STIMATE: variants seen among roughly 807,000 people sequenced by gnomAD.
STIMATE encodes STIM activating enhancer.
STIMATE carries 15 observed loss-of-function variants against 36.7 expected under a neutral mutation model. The ratio of observed to expected loss-of-function variants is 0.41; its 90% CI spans 0.27 to 0.63. The LOEUF (loss-of-function observed/expected upper bound fraction) is 0.63, where lower values mean the gene tolerates loss of function less well. STIMATE is among the 20% of genes least tolerant of loss of function. The pLI, the probability that STIMATE is intolerant of heterozygous loss-of-function variation, is 0.32. For synonymous variants in STIMATE, 163 were observed against 162.3 expected, an observed-to-expected ratio of 1.00 and a Z score of -0.03; for missense variants, 305 against 397.3, an observed-to-expected ratio of 0.77 and a Z score of 1.98.
In STIMATE at chr3:52,843,736, G is replaced by A; in HGVS notation, c.603C>T (p.Val201=). The stretch of plus-strand genomic sequence containing the variant: ...TGGCACTGACGTTGACAAAGAAGGG[G>A]ACGATCAGCATGACGATGGCCAGCT... ...DLKLAIVMLI[V]PFFVNALMFW... Residue 201 remains valine, a synonymous_variant, in exon 6 of 8, where the codon GTC becomes GTT. Transcript: ENST00000355083. The A allele has an allele frequency of 6.2e-7, 1 of 1,613,998 alleles. No homozygotes were observed. Among genetic ancestry groups the A allele is most frequent in the South Asian group, 1.1e-5 (1 of 91,060 alleles).
chr3:52,895,289 C>G (rs1290805291), intron 1 of STIMATE, among the ~76,000 whole-genome samples: 2 of 152,214 alleles, frequency 1.3e-5, no homozygotes, highest in African/African-American at 2.4e-5. Context: ...TTCTTCTTGT[C>G]CAGCTCCCAG....
intron 1 of STIMATE, among the ~76,000 whole-genome samples, chr3:52,880,916 C>T (rs534514391): frequency 8.0e-4 from 121 of 152,176 alleles, no homozygotes; most frequent in Non-Finnish European, 1.4e-3. Flanking sequence ...AAGCCAGGTG[C>T]GGTGGCTCAT....
At chr3:52,843,611 GC>G (rs1700845090) in intron 6 of STIMATE, 109 bp downstream of exon 6, 3 of 1,471,570 alleles carry the variant, frequency 2.0e-6, no homozygotes, top group Non-Finnish European at 2.7e-6. Context: ...AAATGGTCAC[GC>G]AAAAAGACCT....
chr3:52,847,918 G>A (rs1310790253), intron 4 of STIMATE, among the ~76,000 whole-genome samples: 3 of 152,176 alleles, frequency 2.0e-5, no homozygotes, highest in Non-Finnish European at 2.9e-5. Context: ...TGGCTTGGAC[G>A]ACGGAAGGAG....
intron 1 of STIMATE, among the ~76,000 whole-genome samples, chr3:52,871,725 C>A (rs928320401): frequency 6.6e-6 from 1 of 152,148 alleles, no homozygotes; most frequent in African/African-American, 2.4e-5. Context: ...AATTATGTCA[C>A]CCTCCACTCA....
chr3:52,843,441 C>T lies in STIMATE; in HGVS notation c.618+280G>A, dbSNP rs183011533. 2.0e-3 allele frequency among the ~76,000 whole-genome samples: 302 copies of T among 152,114 alleles called. 1 individual carries two copies. Among genetic ancestry groups the T allele is most frequent in the African/African-American group, 7.0e-3 (292 of 41,506 alleles). On this transcript the variant is annotated intron_variant, in intron 6 of 7. Transcript: ENST00000355083. ...GGAACAATCCTGAACTAGAGGCTGG[C>T]GCTACACATGGGTGGGGCTTCTTGG...
intron 1 of STIMATE, among the ~76,000 whole-genome samples, chr3:52,864,944 T>TC (rs2106692269): frequency 6.9e-6 from 1 of 145,538 alleles, no homozygotes; most frequent in East Asian, 2.1e-4. Flanking sequence ...AACAAGTCTC[T>TC]CTCTTTTCTT....
At chr3:52,862,723 T>G (rs1162893708) in intron 1 of STIMATE, among the ~76,000 whole-genome samples, 1 of 152,226 alleles carries the variant, frequency 6.6e-6, no homozygotes, top group African/African-American at 2.4e-5. Context: ...ACGTGGTATG[T>G]CCCACAACCC....
At chr3:52,862,617 CTT>C (rs1259944922) in intron 1 of STIMATE, among the ~76,000 whole-genome samples, 1 of 152,060 alleles carries the variant, frequency 6.6e-6, no homozygotes, top group Non-Finnish European at 1.5e-5. Flanking sequence ...TTCAATCTCT[CTT>C]CTTTCAATTT....
At chr3:52,845,961 T>G (rs1275444961) in intron 4 of STIMATE, among the ~76,000 whole-genome samples, 5 of 141,214 alleles carry the variant, frequency 3.5e-5, no homozygotes, top group Admixed American at 7.0e-5. Flanking sequence ...GGCTGGGGGG[T>G]AAAGGCCGTA....
Position 52,897,313 on chromosome 3 carries a change from G to A in STIMATE, c.138C>T (p.Val46=), listed in dbSNP as rs1214911122. The change falls in exon 1 of 8, where the codon GTC becomes GTT. Residue 46 remains valine, a synonymous_variant. Coordinates refer to ENST00000355083, the MANE Select transcript of STIMATE (RefSeq NM_198563.5). ...CACGCATTAACGTGCTGAAGGCCAC[G>A]ACGCCGAGCAGCCCCTGCAGGAAGA... The part of the protein sequence containing the change: ...FGIFLQGLLG[V]VAFSTLMLKR... The A allele has an allele frequency of 2.6e-6, 4 of 1,554,706 alleles. No homozygotes were observed. Among genetic ancestry groups the A allele is most frequent in the African/African-American group, 1.4e-5 (1 of 73,466 alleles).
chr3:52,867,840 C>T (rs1210645253), intron 1 of STIMATE, among the ~76,000 whole-genome samples: 4 of 152,204 alleles, frequency 2.6e-5, no homozygotes, highest in Non-Finnish European at 5.9e-5. Context: ...CAGAATCACC[C>T]CAGCAGTTAG....
chr3:52,892,240 G>T (rs1315551470), intron 1 of STIMATE, among the ~76,000 whole-genome samples: 1 of 152,172 alleles, frequency 6.6e-6, no homozygotes, highest in Non-Finnish European at 1.5e-5. Flanking sequence ...AAATGCATTT[G>T]GTAAGTTATT....
At chr3:52,879,923 C>T (rs11716402) in intron 1 of STIMATE, among the ~76,000 whole-genome samples, 3,691 of 152,310 alleles carry the variant, frequency 0.024, 40 homozygotes, top group Non-Finnish European at 0.038. Flanking sequence ...GAGGGGAAGC[C>T]ACCAGAGCCT....
intron 1 of STIMATE, among the ~76,000 whole-genome samples, chr3:52,889,106 A>G (rs1267524339): frequency 1.3e-5 from 2 of 152,330 alleles, no homozygotes; most frequent in East Asian, 1.9e-4. Flanking sequence ...ATGCGGCAGG[A>G]GGGCATGTGA....
chr3:52,855,224 T>C (rs1701072254), intron 2 of STIMATE, among the ~76,000 whole-genome samples, 172 bp downstream of exon 2: 1 of 152,200 alleles, frequency 6.6e-6, no homozygotes, highest in Non-Finnish European at 1.5e-5. Context: ...AATGCTTTCA[T>C]AATATACACA....
chr3:52,867,923 C>T (rs1701338451), intron 1 of STIMATE, among the ~76,000 whole-genome samples: 1 of 152,178 alleles, frequency 6.6e-6, no homozygotes, highest in African/African-American at 2.4e-5. Flanking sequence ...AGGCCAGTGA[C>T]CTCAAGCCAT....
chr3:52,891,330 C>T (rs972790436), intron 1 of STIMATE, among the ~76,000 whole-genome samples: 23 of 152,282 alleles, frequency 1.5e-4, no homozygotes, highest in South Asian at 2.1e-4. Flanking sequence ...GCTCACCGAC[C>T]GCTTCTGTAC....
intron 1 of STIMATE, among the ~76,000 whole-genome samples, chr3:52,865,240 C>T (rs115870147): frequency 0.022 from 3,365 of 152,240 alleles, 127 homozygotes; most frequent in African/African-American, 0.076. Flanking sequence ...CCACGGTGCC[C>T]GACTGCCATT....
Sources: gnomAD v4.1 joint callset for allele counts (sites outside exome capture counted in the v4.1 genomes callset) on GRCh38, gnomAD v4.1.1 for gene constraint, MANE v1.5 for transcripts, NCBI Gene and HGNC (gene_info 2026-07-23, HGNC 2026-07-21) for gene names.